The following MYO1E variants were observed in gnomAD, a reference collection of about 807,000 sequenced individuals.
MYO1E encodes unconventional myosin-Ie.
In MYO1E, 68 loss-of-function variants were observed where a neutral mutation model predicts 151.1. That is an observed-to-expected ratio of 0.45 (90% CI 0.37 to 0.55). The LOEUF is 0.55. Ranked by LOEUF, MYO1E falls within the 20% of genes least tolerant of loss-of-function variation. The pLI, the probability that MYO1E is intolerant of heterozygous loss-of-function variation, is 0.00. For missense variants in MYO1E, 1,363 were observed against 1,389.3 expected (o/e 0.98, Z 0.30); for synonymous variants, 601 against 501.7 (o/e 1.20, Z -2.64).
intron 17 of MYO1E, 141 bp downstream of exon 17, chr15:59,195,320 G>T (rs1171003674): frequency 2.6e-6 from 2 of 768,468 alleles, no homozygotes; most frequent in East Asian, 2.6e-5. Context: ...TACAGCTTTT[G>T]TCCTGAAAAA....
chr15:59,289,511 T>C (rs1357032126), intron 1 of MYO1E, among the ~76,000 whole-genome samples: 4 of 152,218 alleles, frequency 2.6e-5, no homozygotes, highest in Admixed American at 1.3e-4. Context: ...TAAAAGTGCA[T>C]AGACCCCACT....
At position 59,163,262 on chromosome 15, in the gene MYO1E, T is replaced by C. The variant is rs2079547889; in HGVS notation, c.2522A>G (p.Tyr841Cys). ...GAAGACAGATTCAAGCAAACTGTCA[T>C]ACTCTTGCTCATGGAGAATAAAAAT... ...DDIFILHEQE[Y>C]DSLLESVFKT... Residue 841 changes from tyrosine (Y) to cysteine (C), a missense_variant, in exon 23 of 28, where the codon TAT (tyrosine) becomes TGT (cysteine). Coordinates refer to ENST00000288235, the MANE Select transcript of MYO1E (RefSeq NM_004998.4). 6.2e-7 allele frequency: 1 copy of C among 1,613,856 alleles called. No homozygotes were observed. Among genetic ancestry groups the C allele is most frequent in the Non-Finnish European group, 8.5e-7 (1 of 1,179,688 alleles).
At chr15:59,275,624 C>T (rs1490733273) in intron 1 of MYO1E, among the ~76,000 whole-genome samples, 1 of 152,190 alleles carries the variant, frequency 6.6e-6, no homozygotes, top group Admixed American at 6.5e-5. Context: ...ATTCTCCCCA[C>T]TCCCCTAAAA....
chr15:59,297,306 C>T (rs1704838881), intron 1 of MYO1E, among the ~76,000 whole-genome samples: 1 of 151,056 alleles, frequency 6.6e-6, no homozygotes, highest in South Asian at 2.1e-4. Context: ...GGGTCTTACT[C>T]TGTCACCCAG....
chr15:59,279,659 C>G (rs2080341631), intron 1 of MYO1E, among the ~76,000 whole-genome samples: 1 of 152,186 alleles, frequency 6.6e-6, no homozygotes, highest in Non-Finnish European at 1.5e-5. Context: ...AAACCACCCC[C>G]AATCCTTTTA....
intron 2 of MYO1E, among the ~76,000 whole-genome samples, chr15:59,262,205 C>T (rs2080228069): frequency 1.4e-5 from 2 of 141,754 alleles, no homozygotes; most frequent in South Asian, 5.1e-4. Flanking sequence ...AGACTCTTGT[C>T]TCCAAAAAAA....
chr15:59,315,585 A>G (rs1422755787), intron 1 of MYO1E, among the ~76,000 whole-genome samples: 2 of 151,948 alleles, frequency 1.3e-5, no homozygotes, highest in Admixed American at 6.6e-5. Flanking sequence ...CTGATCTGCC[A>G]AGAAATAACA....
At chr15:59,212,856 C>G (rs76815538) in intron 12 of MYO1E, 4 of 152,064 alleles carry the variant, frequency 2.6e-5, no homozygotes, top group Admixed American at 2.6e-4. Flanking sequence ...AAAAAGGCTA[C>G]GTGAAGACAC....
chr15:59,234,859 A>T (rs2080052968), intron 5 of MYO1E, among the ~76,000 whole-genome samples: 1 of 151,632 alleles, frequency 6.6e-6, no homozygotes, highest in South Asian at 2.1e-4. Flanking sequence ...CACAATAAAG[A>T]GAATTTTATG....
At chr15:59,311,592 G>C (rs558274575) in intron 1 of MYO1E, among the ~76,000 whole-genome samples, 1 of 152,232 alleles carries the variant, frequency 6.6e-6, no homozygotes, top group Non-Finnish European at 1.5e-5. Flanking sequence ...TACCATATAA[G>C]AACCATAAAG....
At chr15:59,226,052 G>T (rs1329781085) in intron 7 of MYO1E, among the ~76,000 whole-genome samples, 3 of 152,078 alleles carry the variant, frequency 2.0e-5, no homozygotes, top group African/African-American at 7.2e-5. Flanking sequence ...GGGAGGGTTG[G>T]GGCTTGCATT....
At chr15:59,256,186 T>A (rs1420900518) in intron 4 of MYO1E, 98 bp downstream of exon 4, 1 of 866,518 alleles carries the variant, frequency 1.2e-6, no homozygotes. Flanking sequence ...GGCTGTGACA[T>A]CAGTAGCTGT....
At chr15:59,286,577 T>C (rs990755625) in intron 1 of MYO1E, among the ~76,000 whole-genome samples, 14 of 151,898 alleles carry the variant, frequency 9.2e-5, no homozygotes, top group Non-Finnish European at 1.8e-4. Flanking sequence ...AGGGTCTGGA[T>C]GTGATCAGGG....
At chr15:59,364,979 T>C (rs1316983053) in intron 1 of MYO1E, among the ~76,000 whole-genome samples, 2 of 151,874 alleles carry the variant, frequency 1.3e-5, no homozygotes, top group African/African-American at 2.4e-5. Context: ...CAAAAATAAT[T>C]ACTGTGTTAG....
At chr15:59,141,924 G>A (rs529741800) in intron 26 of MYO1E, among the ~76,000 whole-genome samples, 5 of 151,570 alleles carry the variant, frequency 3.3e-5, no homozygotes, top group Admixed American at 2.0e-4. Context: ...TGGCTAACAC[G>A]GTGAAACCCC....
rs1352830230 is a variant in MYO1E at position 59,275,474 on chromosome 15, T to A, written c.4-3025A>T. On this transcript the variant is annotated intron_variant, in intron 1 of 27. Transcript: ENST00000288235. The stretch of plus-strand genomic sequence containing the variant: ...TCTGCCAGGCAATTATAGTTACATA[T>A]GTGAACTCATTCAACCTTCACAACC... Among the ~76,000 whole-genome samples, 5 of 152,214 alleles carry A rather than the reference T, an allele frequency of 3.3e-5. 1 individual carries two copies. The East Asian group carries it at 7.7e-4, about 24-fold the overall frequency.
Position 59,137,435 on chromosome 15 carries a change from C to T in MYO1E, c.3272G>A (p.Gly1091Asp). ...IKEDPSGWWT[G>D]RLRGKQGLFP... ...CAGGCCCTGCTTGCCTCGTAGTCGA[C>T]CCGTCCACCAGCCAGAAGGATCTGC... The change falls in exon 28 of 28, where the codon GGT (glycine) becomes GAT (aspartate). Residue 1091 changes from glycine (G) to aspartate (D), a missense_variant. By Grantham distance (94) the Gly-to-Asp change is moderately conservative (BLOSUM62 -1). Transcript: ENST00000288235. The T allele has an allele frequency of 3.7e-6, 6 of 1,614,164 alleles. No individual in the cohort carries two copies. The highest frequency in any genetic ancestry group is 4.2e-6 in the Non-Finnish European group (5 of 1,180,018).
intron 9 of MYO1E, among the ~76,000 whole-genome samples, chr15:59,218,761 G>A (rs181385133): frequency 2.4e-4 from 37 of 152,332 alleles, no homozygotes; most frequent in Non-Finnish European, 2.4e-4. Context: ...ATTACTACTT[G>A]CTGGGGTAGT....
intron 1 of MYO1E, chr15:59,359,750 G>A (rs11632346): frequency 0.73 from 110,591 of 152,120 alleles, 43,340 homozygotes; most frequent in Non-Finnish European, 0.88. Context: ...TGCACACTGA[G>A]ACTATGAATG....
Sources: gnomAD v4.1 joint callset for allele counts (sites outside exome capture counted in the v4.1 genomes callset) on GRCh38, gnomAD v4.1.1 for gene constraint, MANE v1.5 for transcripts, NCBI Gene and HGNC (gene_info 2026-07-23, HGNC 2026-07-21) for gene names.